DTNB: variants seen among roughly 807,000 people sequenced by gnomAD.
The protein encoded by DTNB is dystrobrevin beta.
Under a neutral mutation model 90.7 loss-of-function variants are expected in DTNB, and 63 were observed. The observed-to-expected ratio is 0.69, with a 90% CI of 0.57 to 0.86. The LOEUF is 0.86. DTNB is among the 40% of genes least tolerant of loss of function. The pLI is 0.00. For missense variants in DTNB, 744 were observed against 807.1 expected, an observed-to-expected ratio of 0.92 and a Z score of 0.95; for synonymous variants, 277 against 286.7, an observed-to-expected ratio of 0.97 and a Z score of 0.34.
chr2:25,543,045 T>C (rs1220316002), intron 8 of DTNB, among the ~76,000 whole-genome samples: 1 of 152,188 alleles, frequency 6.6e-6, no homozygotes, highest in African/African-American at 2.4e-5. Context: ...ATTTTGTCTT[T>C]TTATCTTTGA....
intron 5 of DTNB, among the ~76,000 whole-genome samples, chr2:25,597,386 A>G (rs1042471354): frequency 1.3e-5 from 2 of 152,304 alleles, no homozygotes; most frequent in East Asian, 3.9e-4. Flanking sequence ...TTCACAGTGA[A>G]GAGGTATAGT....
At chr2:25,494,724 C>T (rs1466936320) in intron 9 of DTNB, among the ~76,000 whole-genome samples, 2 of 152,120 alleles carry the variant, frequency 1.3e-5, no homozygotes, top group Non-Finnish European at 2.9e-5. Context: ...AGCTTTACCA[C>T]TGGAGAATAA....
intron 16 of DTNB, among the ~76,000 whole-genome samples, chr2:25,407,101 G>A (rs554800347): frequency 6.6e-6 from 1 of 152,108 alleles, no homozygotes; most frequent in African/African-American, 2.4e-5. Flanking sequence ...TAATAAAAGT[G>A]CCACTTTAGC....
At chr2:25,500,294 T>G (rs781630559) in intron 9 of DTNB, among the ~76,000 whole-genome samples, 1 of 152,110 alleles carries the variant, frequency 6.6e-6, no homozygotes, top group Non-Finnish European at 1.5e-5. Context: ...GAATTTTAAA[T>G]GGAAAAGATA....
intron 9 of DTNB, among the ~76,000 whole-genome samples, chr2:25,483,340 G>A (rs1393789175): frequency 1.3e-5 from 2 of 152,136 alleles, no homozygotes; most frequent in Non-Finnish European, 1.5e-5. Flanking sequence ...ACAACATCGA[G>A]GTGCATGCTG....
intron 6 of DTNB, among the ~76,000 whole-genome samples, chr2:25,592,296 A>G (rs149380666): frequency 7.6e-4 from 116 of 152,088 alleles, no homozygotes; most frequent in African/African-American, 2.6e-3. Context: ...CACTCCTGAA[A>G]AGTCTTAAAA....
At chr2:25,553,825 C>T (rs1161855406) in intron 8 of DTNB, among the ~76,000 whole-genome samples, 1 of 143,768 alleles carries the variant, frequency 7.0e-6, no homozygotes, top group African/African-American at 2.6e-5. Context: ...ATTACAAAAA[C>T]CCCTTAACCC....
intron 6 of DTNB, among the ~76,000 whole-genome samples, chr2:25,584,104 C>A (rs1457716784): frequency 6.6e-6 from 1 of 152,210 alleles, no homozygotes; most frequent in Non-Finnish European, 1.5e-5. Context: ...CATCAGGGAA[C>A]CCCTGGAAGG....
intron 16 of DTNB, among the ~76,000 whole-genome samples, chr2:25,413,746 G>GC (rs1242087569): frequency 1.3e-5 from 2 of 152,198 alleles, no homozygotes; most frequent in African/African-American, 4.8e-5. Flanking sequence ...ACATACGTGT[G>GC]CATGTGTCTT....
chr2:25,545,170 G>A (rs531218799), intron 8 of DTNB, among the ~76,000 whole-genome samples: 7 of 152,160 alleles, frequency 4.6e-5, no homozygotes, highest in African/African-American at 1.7e-4. Flanking sequence ...CCCCTCCATT[G>A]AGCTTAACTT....
intron 9 of DTNB, among the ~76,000 whole-genome samples, chr2:25,504,540 G>T (rs556092219): frequency 6.9e-6 from 1 of 144,660 alleles, no homozygotes; most frequent in African/African-American, 2.6e-5. Context: ...GGAAAGGCAA[G>T]AAAGAAGGCA....
At chr2:25,666,429 A>G (rs2084460383) in intron 1 of DTNB, among the ~76,000 whole-genome samples, 1 of 152,220 alleles carries the variant, frequency 6.6e-6, no homozygotes, top group South Asian at 2.1e-4. Flanking sequence ...TCTAACAGTG[A>G]AACACTGGAA....
chr2:25,662,614 T>G (rs2083413091), intron 1 of DTNB, among the ~76,000 whole-genome samples: 1 of 151,144 alleles, frequency 6.6e-6, no homozygotes, highest in South Asian at 2.1e-4. Context: ...CATCTCACCC[T>G]GGCCCTGGCC....
intron 16 of DTNB, among the ~76,000 whole-genome samples, chr2:25,405,567 AT>A (rs908738839): frequency 2.7e-5 from 4 of 150,488 alleles, no homozygotes; most frequent in Non-Finnish European, 4.4e-5. Context: ...AAAATGTTCT[AT>A]TTTTTTTCCA....
chr2:25,444,598 T>C (rs147049636), intron 12 of DTNB, among the ~76,000 whole-genome samples: 5 of 151,224 alleles, frequency 3.3e-5, no homozygotes, highest in Admixed American at 1.3e-4. Flanking sequence ...CTGGCTCATA[T>C]AAGCAACGTG....
chr2:25,640,914 G>C (rs1437435624), intron 2 of DTNB, among the ~76,000 whole-genome samples: 1 of 152,200 alleles, frequency 6.6e-6, no homozygotes, highest in Non-Finnish European at 1.5e-5. Context: ...GCTGAGGCAG[G>C]AGAATGGCAC....
At chr2:25,665,558 A>G (rs1158582721) in intron 1 of DTNB, among the ~76,000 whole-genome samples, 1 of 152,058 alleles carries the variant, frequency 6.6e-6, no homozygotes, top group Non-Finnish European at 1.5e-5. Context: ...CCCAGGAGGT[A>G]GAGGTTACAA....
At chr2:25,662,341 A>G (rs2083349758) in intron 1 of DTNB, among the ~76,000 whole-genome samples, 1 of 152,344 alleles carries the variant, frequency 6.6e-6, no homozygotes, top group East Asian at 1.9e-4. Context: ...AGTATAGTCA[A>G]TCGCACAACA....
At chr2:25,527,392 G>A (rs968429633) in intron 9 of DTNB, among the ~76,000 whole-genome samples, 4 of 152,024 alleles carry the variant, frequency 2.6e-5, no homozygotes, top group Non-Finnish European at 1.5e-5. Flanking sequence ...GCGTGCTAGC[G>A]CATGCCTGTA....
Sources: gnomAD v4.1 joint callset for allele counts (sites outside exome capture counted in the v4.1 genomes callset) on GRCh38, gnomAD v4.1.1 for gene constraint, MANE v1.5 for transcripts, NCBI Gene and HGNC (gene_info 2026-07-23, HGNC 2026-07-21) for gene names.